SBNO1: variants seen among roughly 807,000 people sequenced by gnomAD.
SBNO1 encodes the protein protein strawberry notch homolog 1.
Under a neutral mutation model 173.6 loss-of-function variants are expected in SBNO1, and 23 were observed. That is an observed-to-expected ratio of 0.13 (90% CI 0.10 to 0.19). The LOEUF (loss-of-function observed/expected upper bound fraction) is 0.19, where lower values mean the gene tolerates loss of function less well. SBNO1 is among the 10% of genes least tolerant of loss of function. The pLI is 1.00. For missense variants in SBNO1, 1,238 were observed against 1,671.2 expected, an observed-to-expected ratio of 0.74 and a Z score of 4.52; for synonymous variants, 632 against 571.5, an observed-to-expected ratio of 1.11 and a Z score of -1.51.
At chr12:123,354,345 G>A (rs1392531009) in intron 1 of SBNO1, among the ~76,000 whole-genome samples, 3 of 152,014 alleles carry the variant, frequency 2.0e-5, no homozygotes, top group East Asian at 1.9e-4. Context: ...GAATAACAAC[G>A]TCTGTAAAAG....
chr12:123,325,038 T>C (rs1477147683), intron 15 of SBNO1, among the ~76,000 whole-genome samples: 3 of 152,178 alleles, frequency 2.0e-5, no homozygotes, highest in Non-Finnish European at 4.4e-5. Flanking sequence ...CTCAAACTAC[T>C]GACCTCAAGT....
At chr12:123,357,072 G>GCACA (rs1874544317) in intron 1 of SBNO1, among the ~76,000 whole-genome samples, 1 of 150,332 alleles carries the variant, frequency 6.7e-6, no homozygotes. Context: ...TCTACTGTGT[G>GCACA]CAGTAGACAC....
rs2048531167 is a variant in SBNO1, at chr12:123,292,778, G to A, written c.*3130C>T. 6.6e-6 allele frequency: 1 copy of A among 152,220 alleles called. No homozygotes were observed. Among genetic ancestry groups the A allele is most frequent in the African/African-American group, 2.4e-5 (1 of 41,454 alleles). The allele number at this position is 152,220 out of a possible 1,614,324, so 9.4% of individuals were successfully genotyped here. ...ACTAATTTATATACACATGTAAAGA[G>A]AAGATACTGAAGTGTCTAACTGTAA... On this transcript the variant is annotated 3_prime_UTR_variant, in exon 32 of 32. Transcript: ENST00000602398.
intron 4 of SBNO1, among the ~76,000 whole-genome samples, chr12:123,342,320 G>A (rs915402910): frequency 4.0e-5 from 6 of 151,740 alleles, no homozygotes; most frequent in Admixed American, 6.6e-5. Flanking sequence ...GCGTGGTGGC[G>A]GGCGCCTGTA....
intron 5 of SBNO1, among the ~76,000 whole-genome samples, chr12:123,339,612 C>G (rs995609070): frequency 1.3e-5 from 2 of 152,042 alleles, no homozygotes; most frequent in African/African-American, 4.8e-5. Flanking sequence ...TGTGGTAAAA[C>G]CCCGTCTCTA....
chr12:123,331,348 C>G lies in SBNO1; in HGVS notation c.937G>C (p.Asp313His). The G allele has an allele frequency of 6.2e-7, 1 of 1,613,994 alleles. No homozygotes were observed. Among genetic ancestry groups the G allele is most frequent in the Non-Finnish European group, 8.5e-7 (1 of 1,179,876 alleles). The stretch of plus-strand genomic sequence containing the variant: ...TCACCTATTAAGAAGCCAGCACGAT[C>G]TCCATTAGGTAGGAAAGTTTCATGT... ...QQHETFLPNG[D>H]RAGFLIGDGA... Residue 313 changes from aspartate to histidine, a missense_variant, in exon 8 of 32, where the codon GAT becomes CAT. Transcript: ENST00000602398.
intron 4 of SBNO1, among the ~76,000 whole-genome samples, chr12:123,342,120 G>A (rs1872639361): frequency 2.0e-5 from 3 of 151,948 alleles, no homozygotes; most frequent in South Asian, 2.1e-4. Flanking sequence ...GCATGGTGGC[G>A]CATGCTCATA....
intron 29 of SBNO1, among the ~76,000 whole-genome samples, chr12:123,303,400 C>A (rs1445056551): frequency 6.6e-6 from 1 of 152,062 alleles, no homozygotes; most frequent in Non-Finnish European, 1.5e-5. Context: ...AATCCCAGCA[C>A]TTTGGGAGGC....
intron 6 of SBNO1, 106 bp downstream of exon 6, chr12:123,336,289 C>T (rs1464731831): frequency 3.1e-5 from 24 of 768,024 alleles, no homozygotes; most frequent in Non-Finnish European, 2.6e-5. Flanking sequence ...AAGACTTTGA[C>T]CTAAAGCAAG....
At chr12:123,339,351 T>A (rs187547674) in intron 5 of SBNO1, among the ~76,000 whole-genome samples, 4 of 151,932 alleles carry the variant, frequency 2.6e-5, no homozygotes, top group Non-Finnish European at 5.9e-5. Context: ...GTTAACCAAC[T>A]TTCCAACCTC....
At chr12:123,345,975 T>TAA (rs1238045629) in intron 3 of SBNO1, among the ~76,000 whole-genome samples, 6 of 152,194 alleles carry the variant, frequency 3.9e-5, no homozygotes, top group African/African-American at 1.4e-4. Context: ...GCCTAAATAT[T>TAA]AGTACTTCAT....
At chr12:123,358,742 CAAAAAAAAAAA>C (rs1164585887) in intron 1 of SBNO1, among the ~76,000 whole-genome samples, 15 of 78,426 alleles carry the variant, frequency 1.9e-4, no homozygotes, top group Non-Finnish European at 3.3e-4. Flanking sequence ...GACTCCGTCT[CAAAAAAAAAAA>C]AAAAAAAAAA....
intron 3 of SBNO1, among the ~76,000 whole-genome samples, chr12:123,347,319 C>CG (rs907870401): frequency 2.7e-5 from 4 of 149,766 alleles, no homozygotes; most frequent in African/African-American, 9.8e-5. Flanking sequence ...TTCTACCTCC[C>CG]GGGTACATGC....
chr12:123,348,124 G>C lies in SBNO1; in HGVS notation c.142C>G (p.Leu48Val), dbSNP rs751335193. 1.2e-6 allele frequency: 2 copies of C among 1,602,296 alleles called. No individual in the cohort carries two copies. The highest frequency in any genetic ancestry group is 3.4e-5 in the Admixed American group (2 of 59,636). ...TCCAAACCTAGTTCTAATGCACTAA[G>C]TGGCACTGACTGGAGAGAAAACAAC... ...PTPSVQQSVP[L>V]SALELGLETE... is the part of the protein sequence containing the mutation. Residue 48 changes from leucine to valine, a missense_variant, in exon 3 of 32, where the codon CTT (leucine) becomes GTT (valine). Coordinates refer to ENST00000602398, the MANE Select transcript of SBNO1 (RefSeq NM_001167856.3).
At chr12:123,296,935 A>G (rs1454971361) in intron 31 of SBNO1, among the ~76,000 whole-genome samples, 1 of 149,144 alleles carries the variant, frequency 6.7e-6, no homozygotes, top group Non-Finnish European at 1.5e-5. Flanking sequence ...GGACTCCAGC[A>G]ATCCTCCTGC....
At chr12:123,358,331 G>C (rs1198923315) in intron 1 of SBNO1, among the ~76,000 whole-genome samples, 10 of 152,214 alleles carry the variant, frequency 6.6e-5, no homozygotes, top group Admixed American at 6.5e-4. Context: ...TTCAGATTTT[G>C]AATCTTCAGA....
rs1020207461 is a variant in SBNO1 at position 123,302,707 on chromosome 12, G to T, written c.3845+117C>A. On this transcript the variant is annotated intron_variant, in intron 30 of 31. Transcript: ENST00000602398. ...AAATATTCCTGATGGAACACACCAC[G>T]CCTGACAATACTTAATCTGTTAGTT... The T allele has an allele frequency of 3.4e-5, 25 of 740,552 alleles. No homozygotes were observed. In the African/African-American group the frequency reaches 4.4e-4, roughly 13 times the overall value. The allele number at this position is 740,552 out of a possible 1,614,324, so 45.9% of individuals were successfully genotyped here.
intron 30 of SBNO1, among the ~76,000 whole-genome samples, chr12:123,298,907 T>C (rs768235886): frequency 3.9e-5 from 6 of 152,008 alleles, no homozygotes; most frequent in Non-Finnish European, 8.8e-5. Context: ...CTGTGCAACA[T>C]GGCGAGGCTC....
chr12:123,354,836 A>G (rs933113506), intron 1 of SBNO1, among the ~76,000 whole-genome samples: 1 of 150,618 alleles, frequency 6.6e-6, no homozygotes, highest in African/African-American at 2.5e-5. Flanking sequence ...CCAAGTTACT[A>G]ACCACGGAAG....
Sources: gnomAD v4.1 joint callset for allele counts (sites outside exome capture counted in the v4.1 genomes callset) on GRCh38, gnomAD v4.1.1 for gene constraint, MANE v1.5 for transcripts, NCBI Gene and HGNC (gene_info 2026-07-23, HGNC 2026-07-21) for gene names.